CDH12: variants seen among roughly 807,000 people sequenced by gnomAD.
The protein encoded by CDH12 is cadherin-12.
A neutral mutation model predicts 74.1 loss-of-function variants in CDH12; 41 were observed. The observed-to-expected ratio is 0.55, with a 90% confidence interval of 0.43 to 0.72. The LOEUF is 0.72. Among genes scored for constraint, CDH12 ranks in the 30% least tolerant of loss-of-function variants. The probability of loss-of-function intolerance (pLI) is 0.00; values close to 1 mark genes in which losing one functional copy is unlikely to be tolerated. For missense variants in CDH12, 945 were observed against 977.2 expected (o/e 0.97, Z 0.44); for synonymous variants, 399 against 355.0 (o/e 1.12, Z -1.39).
chr5:22,684,661 T>C (rs1741668122), intron 1 of CDH12, among the ~76,000 whole-genome samples: 1 of 152,240 alleles, frequency 6.6e-6, no homozygotes, highest in Non-Finnish European at 1.5e-5. Flanking sequence ...ATGCATTTTG[T>C]AAAATGAAAC....
chr5:22,789,967 G>T (rs991242322), intron 1 of CDH12, among the ~76,000 whole-genome samples: 1 of 151,846 alleles, frequency 6.6e-6, no homozygotes, highest in African/African-American at 2.4e-5. Flanking sequence ...AAGGATTTAG[G>T]AATAAAGGGA....
chr5:22,347,731 T>C (rs1338265950), intron 3 of CDH12, among the ~76,000 whole-genome samples: 1 of 152,242 alleles, frequency 6.6e-6, no homozygotes, highest in Non-Finnish European at 1.5e-5. Flanking sequence ...TTATTATTTG[T>C]AGCATTAGTA....
At chr5:21,822,712 G>C (rs951037564) in intron 8 of CDH12, among the ~76,000 whole-genome samples, 1 of 152,016 alleles carries the variant, frequency 6.6e-6, no homozygotes, top group African/African-American at 2.4e-5. Context: ...TGGCACTAGA[G>C]CTTCACTTTA....
chr5:22,416,198 C>G (rs1743382727), intron 2 of CDH12, among the ~76,000 whole-genome samples: 1 of 150,140 alleles, frequency 6.7e-6, no homozygotes, highest in South Asian at 2.1e-4. Flanking sequence ...CCTCAGCCTC[C>G]CGAGTAGCTG....
At chr5:22,711,388 T>C (rs1407821524) in intron 1 of CDH12, among the ~76,000 whole-genome samples, 1 of 152,086 alleles carries the variant, frequency 6.6e-6, no homozygotes, top group Non-Finnish European at 1.5e-5. Context: ...TGCTTACCAC[T>C]CCATATGAAA....
chr5:21,915,195 T>C (rs1482498534), intron 6 of CDH12, among the ~76,000 whole-genome samples: 2 of 152,190 alleles, frequency 1.3e-5, no homozygotes, highest in Non-Finnish European at 2.9e-5. Flanking sequence ...CTTATTATTT[T>C]ATAGCACAGG....
Position 22,698,725 on chromosome 5 carries a change from ATATATATATAGTGTGTGT to A in CDH12, c.-523+154315_-523+154332del, listed in dbSNP as rs1561586048. On this transcript the variant is annotated intron_variant, in intron 1 of 14. Coordinates refer to ENST00000382254, the MANE Select transcript of CDH12 (RefSeq NM_004061.5). ...TATATATATATATATATATATATAT[ATATATATATAGTGTGTGT>A]GTGTGTGTGTGTGTGTGTGTGTGTG... Among the ~76,000 whole-genome samples the A allele has an allele frequency of 3.3e-3, 36 of 11,054 alleles. 1 individual carries two copies. The highest frequency in any genetic ancestry group is 7.2e-3 in the African/African-American group (21 of 2,918). The allele number at this position is 11,054 out of a possible 152,430, so 7.3% of individuals were successfully genotyped here.
chr5:22,426,122 GT>G (rs1267620827), intron 2 of CDH12, among the ~76,000 whole-genome samples: 6 of 149,596 alleles, frequency 4.0e-5, no homozygotes, highest in Non-Finnish European at 8.9e-5. Context: ...GGGAGGCAGA[GT>G]TTGCAGTGAG....
At chr5:22,391,460 T>C (rs1742244182) in intron 3 of CDH12, among the ~76,000 whole-genome samples, 1 of 152,202 alleles carries the variant, frequency 6.6e-6, no homozygotes, top group South Asian at 2.1e-4. Context: ...TTTTTTAATG[T>C]TGAGGCCATA....
At chr5:21,854,896 A>G in intron 6 of CDH12, 106 bp from the exon 7 acceptor site, 1 of 944,870 alleles carries the variant, frequency 1.1e-6, no homozygotes, top group Non-Finnish European at 1.6e-6. Context: ...ACCTACGTCA[A>G]GTACACCATG....
chr5:22,729,900 C>T (rs555196485), intron 1 of CDH12, among the ~76,000 whole-genome samples: 1 of 151,824 alleles, frequency 6.6e-6, no homozygotes, highest in African/African-American at 2.4e-5. Flanking sequence ...ACATTACCTA[C>T]CATATTGAAT....
At chr5:22,294,722 A>C (rs1737548447) in intron 3 of CDH12, among the ~76,000 whole-genome samples, 1 of 152,172 alleles carries the variant, frequency 6.6e-6, no homozygotes, top group Non-Finnish European at 1.5e-5. Context: ...ATAGTGAACA[A>C]AATGGCCGTA....
intron 3 of CDH12, among the ~76,000 whole-genome samples, chr5:22,228,871 ATAAAT>A (rs1196028850): frequency 6.6e-6 from 1 of 152,174 alleles, no homozygotes; most frequent in East Asian, 1.9e-4. Flanking sequence ...TAAAGATAAA[ATAAAT>A]TAATCAAAGA....
intron 6 of CDH12, among the ~76,000 whole-genome samples, chr5:21,926,352 A>T (rs1171301151): frequency 6.6e-6 from 1 of 152,182 alleles, no homozygotes. Context: ...GACCTTCCCC[A>T]TTTCCTAGAC....
chr5:22,725,469 G>A (rs964687628), intron 1 of CDH12, among the ~76,000 whole-genome samples: 3 of 151,746 alleles, frequency 2.0e-5, no homozygotes, highest in African/African-American at 7.3e-5. Flanking sequence ...ATAACAATCA[G>A]CTAAATCTAC....
intron 3 of CDH12, among the ~76,000 whole-genome samples, chr5:22,344,999 AT>A (rs1177155223): frequency 3.9e-5 from 6 of 152,320 alleles, no homozygotes; most frequent in African/African-American, 1.2e-4. Flanking sequence ...CATTTCTGTA[AT>A]TGGCATACAT....
intron 3 of CDH12, among the ~76,000 whole-genome samples, chr5:22,399,252 G>A (rs936449443): frequency 1.3e-5 from 2 of 151,442 alleles, no homozygotes; most frequent in Admixed American, 1.3e-4. Context: ...AACAAGTAGT[G>A]TAACATTTTC....
chr5:22,761,973 G>C (rs1452319362), intron 1 of CDH12, among the ~76,000 whole-genome samples: 1 of 151,434 alleles, frequency 6.6e-6, no homozygotes, highest in East Asian at 1.9e-4. Flanking sequence ...ACATAACCTA[G>C]TGTTATAAAG....
intron 1 of CDH12, among the ~76,000 whole-genome samples, chr5:22,754,145 C>T (rs1745753668): frequency 6.6e-6 from 1 of 152,114 alleles, no homozygotes; most frequent in Non-Finnish European, 1.5e-5. Context: ...CAAACCTAAA[C>T]AACGAACATC....
Sources: gnomAD v4.1 joint callset for allele counts (sites outside exome capture counted in the v4.1 genomes callset) on GRCh38, gnomAD v4.1.1 for gene constraint, MANE v1.5 for transcripts, NCBI Gene and HGNC (gene_info 2026-07-23, HGNC 2026-07-21) for gene names.